PRKG1: variants seen among roughly 807,000 people sequenced by gnomAD.
The protein encoded by PRKG1 is cGMP-dependent protein kinase 1.
Under a neutral mutation model 88.1 loss-of-function variants are expected in PRKG1, and 35 were observed. The ratio of observed to expected loss-of-function variants is 0.40; its 90% CI spans 0.30 to 0.53. The LOEUF (loss-of-function observed/expected upper bound fraction) is 0.53, where lower values mean the gene tolerates loss of function less well. Among genes scored for constraint, PRKG1 ranks in the 20% least tolerant of loss-of-function variants. The pLI is 0.59. For missense variants in PRKG1, 540 were observed against 839.8 expected, an observed-to-expected ratio of 0.64 and a Z score of 4.41; for synonymous variants, 303 against 292.5, an observed-to-expected ratio of 1.04 and a Z score of -0.37.
At chr10:52,081,449 G>A (rs1166178492) in intron 7 of PRKG1, 1 of 377,780 alleles carries the variant, frequency 2.6e-6, no homozygotes, top group Admixed American at 3.2e-5. Flanking sequence ...ATAAATGTTA[G>A]TTACTATATA....
chr10:52,290,146 C>A, intron 16 of PRKG1, 78 bp from the exon 17 acceptor site: 1 of 1,218,294 alleles, frequency 8.2e-7, no homozygotes, highest in Non-Finnish European at 1.2e-6. Flanking sequence ...TCCCATTAGC[C>A]ATGGACATTG....
chr10:52,165,529 T>A (rs907152967), intron 9 of PRKG1, among the ~76,000 whole-genome samples: 4 of 152,244 alleles, frequency 2.6e-5, no homozygotes, highest in African/African-American at 4.8e-5. Context: ...GATCACATTA[T>A]CTTGACCATT....
chr10:51,495,861 G>A (rs979487856), intron 3 of PRKG1, among the ~76,000 whole-genome samples: 3 of 152,166 alleles, frequency 2.0e-5, no homozygotes, highest in Admixed American at 1.3e-4. Flanking sequence ...TATGATTGAG[G>A]GGATAGTTGT....
intron 4 of PRKG1, among the ~76,000 whole-genome samples, chr10:51,871,889 G>A (rs1250057016): frequency 1.3e-5 from 2 of 152,148 alleles, no homozygotes; most frequent in Non-Finnish European, 2.9e-5. Flanking sequence ...GCATCCCTGT[G>A]CTTGAAAGAG....
At chr10:50,993,413 C>G (rs12569866) in intron 1 of PRKG1, among the ~76,000 whole-genome samples, 1 of 152,192 alleles carries the variant, frequency 6.6e-6, no homozygotes, top group African/African-American at 2.4e-5. Context: ...ATTTTCCTTC[C>G]TTTTCTCAGG....
intron 3 of PRKG1, among the ~76,000 whole-genome samples, chr10:51,793,283 G>A (rs72799420): frequency 0.11 from 16,554 of 151,786 alleles, 1,005 homozygotes; most frequent in African/African-American, 0.16. Context: ...AATGGAAAAT[G>A]CAATGGAGAG....
intron 2 of PRKG1, among the ~76,000 whole-genome samples, chr10:51,442,819 C>T (rs1839159147): frequency 6.6e-6 from 1 of 152,020 alleles, no homozygotes; most frequent in Non-Finnish European, 1.5e-5. Flanking sequence ...GTAGCATAGC[C>T]AACCTCTTAG....
At chr10:51,059,044 A>G (rs1329509063) in intron 1 of PRKG1, among the ~76,000 whole-genome samples, 1 of 152,200 alleles carries the variant, frequency 6.6e-6, no homozygotes, top group Non-Finnish European at 1.5e-5. Context: ...TTTGTTTGTT[A>G]CTGGTATAGA....
At chr10:51,772,015 A>G (rs1838316936) in intron 3 of PRKG1, among the ~76,000 whole-genome samples, 1 of 152,154 alleles carries the variant, frequency 6.6e-6, no homozygotes, top group East Asian at 1.9e-4. Flanking sequence ...TATTACTACT[A>G]GGAAGCCCTC....
chr10:51,544,374 A>G (rs552286455), intron 3 of PRKG1, among the ~76,000 whole-genome samples: 15 of 152,170 alleles, frequency 9.9e-5, no homozygotes, highest in African/African-American at 3.1e-4. Context: ...GTCCCTACAA[A>G]GGACATGAAC....
At chr10:51,782,912 T>C (rs941025794) in intron 3 of PRKG1, among the ~76,000 whole-genome samples, 1 of 152,114 alleles carries the variant, frequency 6.6e-6, no homozygotes, top group African/African-American at 2.4e-5. Flanking sequence ...AGCGTGAAAA[T>C]GGACTAATAC....
At chr10:51,235,717 A>G (rs985721311) in intron 2 of PRKG1, among the ~76,000 whole-genome samples, 2 of 152,234 alleles carry the variant, frequency 1.3e-5, no homozygotes, top group Admixed American at 1.3e-4. Context: ...AATGAAAAGG[A>G]TAAAACCATT....
In PRKG1 at chr10:51,639,682, T is replaced by C. The variant is rs115645968; in HGVS notation, c.593-164903T>C. On this transcript the variant is annotated intron_variant, in intron 3 of 17. Coordinates refer to ENST00000373980, the MANE Select transcript of PRKG1 (RefSeq NM_006258.4). ...CCACAGAATTCCAAATCAAAGTCCATATACAGATTTATATATAAATTATTT... is the reference window on the plus strand; with the variant it reads ...CCACAGAATTCCAAATCAAAGTCCACATACAGATTTATATATAAATTATTT... Among the ~76,000 whole-genome samples the C allele has an allele frequency of 5.4e-3, 812 of 151,072 alleles. 8 individuals carry two copies. Among genetic ancestry groups the C allele is most frequent in the African/African-American group, 0.019 (774 of 41,388 alleles).
At chr10:52,188,030 G>A (rs954858959) in intron 9 of PRKG1, among the ~76,000 whole-genome samples, 2 of 151,894 alleles carry the variant, frequency 1.3e-5, no homozygotes, top group Non-Finnish European at 2.9e-5. Context: ...TTTTACAATG[G>A]TTTTTAAACT....
At chr10:52,274,516 A>G (rs1841819123) in intron 12 of PRKG1, among the ~76,000 whole-genome samples, 1 of 135,486 alleles carries the variant, frequency 7.4e-6, no homozygotes. Flanking sequence ...TATACATGCC[A>G]TCATATATAT....
chr10:51,802,869 GTGTGCA>G (rs2132607769), intron 3 of PRKG1, among the ~76,000 whole-genome samples: 1 of 152,208 alleles, frequency 6.6e-6, no homozygotes, highest in Admixed American at 6.5e-5. Context: ...CAATAAATAC[GTGTGCA>G]TGTGCATGCA....
At chr10:51,405,267 C>T (rs1222240132) in intron 2 of PRKG1, among the ~76,000 whole-genome samples, 1 of 152,134 alleles carries the variant, frequency 6.6e-6, no homozygotes, top group Non-Finnish European at 1.5e-5. Context: ...CAAGTCAAGC[C>T]ATCCTAAACT....
At chr10:52,114,526 G>A (rs1847642417) in intron 7 of PRKG1, among the ~76,000 whole-genome samples, 1 of 150,068 alleles carries the variant, frequency 6.7e-6, no homozygotes, top group Admixed American at 6.6e-5. Flanking sequence ...ATACAAACAG[G>A]CTGATTTGAG....
intron 9 of PRKG1, among the ~76,000 whole-genome samples, chr10:52,185,940 A>G (rs11001097): frequency 0.24 from 36,008 of 152,092 alleles, 6,492 homozygotes; most frequent in African/African-American, 0.51. Context: ...CCCTGAAACT[A>G]TTCAGTCCTC....
Sources: allele counts gnomAD v4.1 joint callset (sites outside exome capture counted in the v4.1 genomes callset), GRCh38; gene constraint gnomAD v4.1.1; transcripts MANE v1.5; gene names NCBI Gene and HGNC (gene_info 2026-07-23, HGNC 2026-07-21).